The following TMEM178B variants were observed in gnomAD, a reference collection of about 807,000 sequenced individuals.
TMEM178B encodes the protein transmembrane protein 178B.
Under a neutral mutation model 31.0 loss-of-function variants are expected in TMEM178B, and 5 were observed. The observed-to-expected ratio is 0.16, with a 90% CI of 0.08 to 0.34. The LOEUF is 0.34. TMEM178B is among the 10% of genes least tolerant of loss of function. The pLI is 1.00. For missense variants in TMEM178B, 275 were observed against 400.3 expected, an observed-to-expected ratio of 0.69 and a Z score of 2.67; for synonymous variants, 164 against 164.0, an observed-to-expected ratio of 1.00 and a Z score of 0.00.
intron 2 of TMEM178B, among the ~76,000 whole-genome samples, chr7:141,365,583 A>G (rs764894910): frequency 2.4e-4 from 36 of 152,190 alleles, no homozygotes; most frequent in Non-Finnish European, 4.4e-4. Context: ...CAATGTCACC[A>G]TAAGTTTCTG....
intron 1 of TMEM178B, among the ~76,000 whole-genome samples, chr7:141,121,861 G>A (rs1216067283): frequency 6.6e-6 from 1 of 152,060 alleles, no homozygotes; most frequent in South Asian, 2.1e-4. Flanking sequence ...GACTTGCTGA[G>A]CTTGTTAACT....
chr7:141,304,196 C>T (rs1209233221), intron 2 of TMEM178B, among the ~76,000 whole-genome samples: 5 of 152,158 alleles, frequency 3.3e-5, no homozygotes, highest in East Asian at 3.9e-4. Context: ...AAAAGCACTA[C>T]GTATTTCTCC....
chr7:141,396,750 G>T (rs914216710), intron 2 of TMEM178B, among the ~76,000 whole-genome samples: 3 of 152,198 alleles, frequency 2.0e-5, no homozygotes, highest in African/African-American at 7.2e-5. Context: ...TCTGTTAGAT[G>T]TCCACATGAG....
At chr7:141,341,441 C>A (rs2116511349) in intron 2 of TMEM178B, among the ~76,000 whole-genome samples, 1 of 152,242 alleles carries the variant, frequency 6.6e-6, no homozygotes, top group Middle Eastern at 3.4e-3. Context: ...TTTCTCATCA[C>A]CTTTTCTCTC....
chr7:141,123,785 A>C (rs10249964), intron 1 of TMEM178B, among the ~76,000 whole-genome samples: 1,915 of 152,122 alleles, frequency 0.013, 54 homozygotes, highest in African/African-American at 0.044. Context: ...CAGAGTCTCA[A>C]TCTGTAACCC....
intron 1 of TMEM178B, among the ~76,000 whole-genome samples, chr7:141,199,065 A>G (rs1162774481): frequency 6.6e-6 from 1 of 152,248 alleles, no homozygotes; most frequent in African/African-American, 2.4e-5. Flanking sequence ...AAAAACACGC[A>G]GGCAGGATGG....
rs556887380 is a variant in TMEM178B at position 141,324,479 on chromosome 7, C to T, written c.496+111775C>T. 6.7e-5 allele frequency among the ~76,000 whole-genome samples: 8 copies of T among 119,804 alleles called. No individual in the cohort carries two copies. In the South Asian group the frequency reaches 1.8e-3, roughly 26 times the overall value. 78.6% of individuals were successfully genotyped at this position (119,804 alleles called of 152,430 possible). A position where few individuals can be genotyped will look rare whatever the true frequency, so the allele number is the denominator to read the frequency against. ...CCTGAGCGATTGAAAAATGCAGCTG[C>T]CATTAACTGAGATGGAGATAAGTGC... On this transcript the variant is annotated intron_variant, in intron 2 of 3. Transcript: ENST00000565468.
chr7:141,234,402 A>G (rs1417140725), intron 2 of TMEM178B, among the ~76,000 whole-genome samples: 1 of 152,174 alleles, frequency 6.6e-6, no homozygotes, highest in African/African-American at 2.4e-5. Flanking sequence ...AGATTGATGT[A>G]GCAGCTTGAT....
intron 2 of TMEM178B, among the ~76,000 whole-genome samples, chr7:141,369,677 A>G (rs76710342): frequency 0.026 from 3,892 of 152,298 alleles, 73 homozygotes; most frequent in Middle Eastern, 0.051. Context: ...ACAGAAGTTC[A>G]CTTCAGACAA....
intron 2 of TMEM178B, among the ~76,000 whole-genome samples, chr7:141,241,938 G>T (rs1797629835): frequency 1.3e-5 from 2 of 151,968 alleles, no homozygotes; most frequent in African/African-American, 4.8e-5. Flanking sequence ...TCAAAATCTG[G>T]TGTACTTAAA....
intron 1 of TMEM178B, among the ~76,000 whole-genome samples, chr7:141,181,986 G>A (rs1487756801): frequency 6.6e-6 from 1 of 152,184 alleles, no homozygotes; most frequent in African/African-American, 2.4e-5. Context: ...TATTTAGACT[G>A]GGGGTCATTA....
intron 1 of TMEM178B, among the ~76,000 whole-genome samples, chr7:141,157,854 C>T (rs1203537847): frequency 1.3e-5 from 2 of 152,172 alleles, no homozygotes; most frequent in Non-Finnish European, 2.9e-5. Flanking sequence ...TCATCTTAGC[C>T]TCCTGGAGGC....
At chr7:141,200,667 AT>A (rs1796861499) in intron 1 of TMEM178B, among the ~76,000 whole-genome samples, 1 of 152,146 alleles carries the variant, frequency 6.6e-6, no homozygotes, top group Non-Finnish European at 1.5e-5. Context: ...AGCTGACCTC[AT>A]TCCCTTTTTG....
At chr7:141,349,584 T>C (rs1378941022) in intron 2 of TMEM178B, among the ~76,000 whole-genome samples, 2 of 152,304 alleles carry the variant, frequency 1.3e-5, no homozygotes, top group South Asian at 2.1e-4. Context: ...ACTCCAGTGA[T>C]GGAGACAGAG....
Position 141,145,540 on chromosome 7 carries a change from C to T in TMEM178B, c.383-67051C>T, listed in dbSNP as rs116113674. On this transcript the variant is annotated intron_variant, in intron 1 of 3. Transcript: ENST00000565468. The stretch of plus-strand genomic sequence containing the variant: ...CTATAAAAGAAGCTTCCAAACCTGC[C>T]AGCATCATGGCTCAGTGTATTCACC... Among the ~76,000 whole-genome samples the T allele has an allele frequency of 6.5e-3, 996 of 152,316 alleles. 11 individuals are homozygous for T. The highest frequency in any genetic ancestry group is 0.023 in the African/African-American group (952 of 41,572).
chr7:141,257,615 C>G (rs1473667418), intron 2 of TMEM178B, among the ~76,000 whole-genome samples: 1 of 152,192 alleles, frequency 6.6e-6, no homozygotes, highest in Non-Finnish European at 1.5e-5. Flanking sequence ...ACAGTTTCCA[C>G]TTTCAGCTCC....
chr7:141,371,432 G>A (rs942732661), intron 2 of TMEM178B, among the ~76,000 whole-genome samples: 24 of 152,126 alleles, frequency 1.6e-4, no homozygotes, highest in African/African-American at 4.3e-4. Flanking sequence ...CACCAGTGCC[G>A]TGCTTCTTAT....
chr7:141,309,007 A>G (rs1798864462), intron 2 of TMEM178B, among the ~76,000 whole-genome samples: 1 of 152,212 alleles, frequency 6.6e-6, no homozygotes, highest in South Asian at 2.1e-4. Context: ...TTTTAGAGGA[A>G]AGGAGCCCAG....
chr7:141,198,887 G>C (rs1203175192), intron 1 of TMEM178B, among the ~76,000 whole-genome samples: 1 of 152,174 alleles, frequency 6.6e-6, no homozygotes, highest in Non-Finnish European at 1.5e-5. Context: ...GTGGCAGCTC[G>C]CGGCTCTGAA....
Sources: allele counts gnomAD v4.1 joint callset (sites outside exome capture counted in the v4.1 genomes callset), GRCh38; gene constraint gnomAD v4.1.1; transcripts MANE v1.5; gene names NCBI Gene and HGNC (gene_info 2026-07-23, HGNC 2026-07-21).